P2RX1: variants seen among roughly 807,000 people sequenced by gnomAD.
The protein encoded by P2RX1 is purinergic receptor P2X 1.
P2RX1 carries 42 observed loss-of-function variants against 50.3 expected under a neutral mutation model. The ratio of observed to expected loss-of-function variants is 0.83; its 90% CI spans 0.65 to 1.08. The LOEUF (loss-of-function observed/expected upper bound fraction) is 1.08, where lower values mean the gene tolerates loss of function less well. Among genes scored for constraint, P2RX1 ranks in the 50% least tolerant of loss-of-function variants. The probability of loss-of-function intolerance (pLI) is 0.00; values close to 1 mark genes in which losing one functional copy is unlikely to be tolerated. For missense variants in P2RX1, 449 were observed against 529.0 expected, an observed-to-expected ratio of 0.85 and a Z score of 1.48; for synonymous variants, 199 against 202.6, an observed-to-expected ratio of 0.98 and a Z score of 0.15.
In P2RX1 at chr17:3,903,524, G is replaced by A. The variant is rs1487525313; in HGVS notation, c.605+27C>T. 2 of 1,610,380 alleles carry A rather than the reference G, an allele frequency of 1.2e-6. No homozygotes were observed. Among genetic ancestry groups the A allele is most frequent in the Non-Finnish European group, 1.7e-6 (2 of 1,176,898 alleles). ...CCGGAGCGGCCCCGGCCAGCTGCCT[G>A]CATTTCTGCCCGAATTTCCCACGCA... On this transcript the variant is annotated intron_variant, in intron 6 of 11. Transcript: ENST00000225538. The surrounding 1 kb of genome is among the most constrained non-coding windows in gnomAD (Gnocchi z 4.6).
chr17:3,910,578 G>A (rs2056345606), intron 1 of P2RX1, among the ~76,000 whole-genome samples: 1 of 152,264 alleles, frequency 6.6e-6, no homozygotes, highest in African/African-American at 2.4e-5. Context: ...GGACAGGTGC[G>A]GGGGCAGCTC....
chr17:3,902,925 G>GTTTTTTTTT (rs555049705), intron 7 of P2RX1, among the ~76,000 whole-genome samples: 2,095 of 143,060 alleles, frequency 0.015, 56 homozygotes, highest in African/African-American at 0.052. Flanking sequence ...CTTTTATCTA[G>GTTTTTTTTT]TTTTTTTTTT....
intron 7 of P2RX1, among the ~76,000 whole-genome samples, chr17:3,902,224 C>T (rs1238602676): frequency 1.3e-5 from 2 of 152,114 alleles, no homozygotes; most frequent in East Asian, 3.8e-4. Flanking sequence ...CTCCCGGGTT[C>T]AAGCAATTCT....
chr17:3,916,307 A>G lies in P2RX1; in HGVS notation c.-82T>C, dbSNP rs1597536017. The G allele has an allele frequency of 7.3e-6, 11 of 1,499,778 alleles. No individual in the cohort carries two copies. The East Asian group carries it at 2.3e-4, about 31-fold the overall frequency. 92.9% of individuals were successfully genotyped at this position (1,499,778 alleles called of 1,614,324 possible). A position where few individuals can be genotyped will look rare whatever the true frequency, so the allele number is the denominator to read the frequency against. ...GAGCCGGGTGCCACCACCCACGTCG[A>G]TGGTAGAGCTTCTGGGGGCTTCCTG... is the stretch of plus-strand genomic sequence containing the variant. On this transcript the variant is annotated 5_prime_UTR_variant, in exon 1 of 12. Coordinates refer to ENST00000225538, the MANE Select transcript of P2RX1 (RefSeq NM_002558.4).
At chr17:3,907,296 T>TAC (rs2056283809) in intron 1 of P2RX1, among the ~76,000 whole-genome samples, 1 of 149,912 alleles carries the variant, frequency 6.7e-6, no homozygotes, top group Non-Finnish European at 1.5e-5. Flanking sequence ...GTAACGTGTG[T>TAC]GTGTGTGTGT....
chr17:3,909,127 T>G (rs1049616284), intron 1 of P2RX1, among the ~76,000 whole-genome samples: 12 of 151,710 alleles, frequency 7.9e-5, no homozygotes, highest in African/African-American at 2.9e-4. Flanking sequence ...ACCTCCCGGG[T>G]TCAAGCAATT....
chr17:3,910,745 C>T (rs113300873), intron 1 of P2RX1, among the ~76,000 whole-genome samples: 2 of 152,188 alleles, frequency 1.3e-5, no homozygotes, highest in East Asian at 3.8e-4. Context: ...GGAATGTGCT[C>T]AGAACTGGGG....
intron 1 of P2RX1, chr17:3,915,326 T>C (rs10852862): frequency 0.69 from 266,221 of 386,590 alleles, 93,287 homozygotes; most frequent in East Asian, 0.94. Flanking sequence ...ATGTGGGCAC[T>C]CAGCACCAGG....
intron 1 of P2RX1, 83 bp from the exon 2 acceptor site, chr17:3,905,450 G>A (rs2056245896): frequency 1.3e-6 from 2 of 1,504,924 alleles, no homozygotes; most frequent in Non-Finnish European, 1.8e-6. Context: ...CTCCCCAGAT[G>A]TGCCTCTGAG....
At chr17:3,904,623 G>A (rs533237579) in intron 3 of P2RX1, 1 of 628,252 alleles carries the variant, frequency 1.6e-6, no homozygotes, top group South Asian at 1.9e-5. Context: ...TCAGCTGGGC[G>A]GTGGGGGTGG....
At chr17:3,898,888 C>G (rs201217413) in intron 9 of P2RX1, 46 bp downstream of exon 9, 241 of 1,457,454 alleles carry the variant, frequency 1.7e-4, no homozygotes, top group Non-Finnish European at 2.2e-4. Context: ...CTCACAGGAG[C>G]TGAGAATGTG....
Position 3,916,409 on chromosome 17 carries a change from GGA to G in P2RX1, c.-186_-185del. On this transcript the variant is annotated 5_prime_UTR_variant, in exon 1 of 12. Coordinates refer to ENST00000225538, the MANE Select transcript of P2RX1 (RefSeq NM_002558.4). ...GAGGTCAGCTGGAGGCACTTGGGTT[GGA>G]GAGAGAATCCCTGGGTGATCAGAGC... The G allele has an allele frequency of 3.2e-6, 2 of 627,210 alleles. No homozygotes were observed. The highest frequency in any genetic ancestry group is 5.5e-5 in the East Asian group (2 of 36,200). 38.9% of individuals were successfully genotyped at this position (627,210 alleles called of 1,614,324 possible). A position where few individuals can be genotyped will look rare whatever the true frequency, so the allele number is the denominator to read the frequency against.
At chr17:3,898,857 A>G in intron 9 of P2RX1, 77 bp downstream of exon 9, 1 of 1,167,842 alleles carries the variant, frequency 8.6e-7, no homozygotes, top group Middle Eastern at 1.9e-4. Flanking sequence ...GGTTGTCTAT[A>G]ACTGTAGATG....
chr17:3,901,426 C>T (rs1356184941), intron 7 of P2RX1, among the ~76,000 whole-genome samples: 2 of 152,136 alleles, frequency 1.3e-5, no homozygotes, highest in Non-Finnish European at 2.9e-5. Context: ...TGTGTTGCTC[C>T]GGCATCAACC....
intron 1 of P2RX1, among the ~76,000 whole-genome samples, chr17:3,913,504 G>A (rs1214035750): frequency 1.3e-5 from 2 of 152,218 alleles, no homozygotes; most frequent in African/African-American, 4.8e-5. Context: ...CTCACTGCCT[G>A]CACTTGCCCA....
chr17:3,903,202 C>T lies in P2RX1; in HGVS notation c.747G>A (p.Lys249=). 1 of 1,614,134 alleles carries T rather than the reference C, an allele frequency of 6.2e-7. No homozygotes were observed. Among genetic ancestry groups the T allele is most frequent in the Non-Finnish European group, 8.5e-7 (1 of 1,180,048 alleles). The change falls in exon 7 of 12, where the codon AAG becomes AAA. Residue 249 remains lysine, a splice_region_variant and synonymous_variant. Transcript: ENST00000225538. This position sits in a 1 kb window ranked among gnomAD's most constrained non-coding sequence, Gnocchi z 4.6. The part of the protein sequence containing the change: ...SGQNFSTLAE[K]GGVVGITIDW... ...ACGTGCCTGGCACCATGCTCCATAC[C>T]TTCTCAGCCAGGGTGCTGAAGTTCT... is the stretch of plus-strand genomic sequence containing the variant.
chr17:3,916,371 A>C lies in P2RX1; in HGVS notation c.-146T>G. On this transcript the variant is annotated 5_prime_UTR_variant, in exon 1 of 12. Coordinates refer to ENST00000225538, the MANE Select transcript of P2RX1 (RefSeq NM_002558.4). ...AGCAGGGCGGTGCAGGTGGAGCCAGAGGACAGGAGCCAGAGGTCAGCTGGA... is the reference window on the plus strand; with the variant it reads ...AGCAGGGCGGTGCAGGTGGAGCCAGCGGACAGGAGCCAGAGGTCAGCTGGA... 1 of 880,864 alleles carries C rather than the reference A, an allele frequency of 1.1e-6. No individual in the cohort carries two copies. Among genetic ancestry groups the C allele is most frequent in the Non-Finnish European group, 1.7e-6 (1 of 575,940 alleles). The allele number at this position is 880,864 out of a possible 1,614,324, so 54.6% of individuals were successfully genotyped here. A position where few individuals can be genotyped will look rare whatever the true frequency, so the allele number is the denominator to read the frequency against.
At chr17:3,912,119 G>A (rs564967651) in intron 1 of P2RX1, among the ~76,000 whole-genome samples, 5 of 152,278 alleles carry the variant, frequency 3.3e-5, no homozygotes, top group African/African-American at 1.2e-4. Context: ...GAAGAGCCAG[G>A]AAAGGGAGAT....
intron 2 of P2RX1, 86 bp downstream of exon 2, chr17:3,905,134 C>T: frequency 6.5e-7 from 1 of 1,536,322 alleles, no homozygotes; most frequent in East Asian, 2.3e-5. Flanking sequence ...AGGAGCTGGG[C>T]TGGTCCCACA....
Sources: gnomAD v4.1 joint callset for allele counts (sites outside exome capture counted in the v4.1 genomes callset) on GRCh38, gnomAD v4.1.1 for gene constraint, Gnocchi (gnomAD v3.1) non-coding constraint, MANE v1.5 for transcripts, NCBI Gene and HGNC (gene_info 2026-07-23, HGNC 2026-07-21) for gene names.